The following ZKSCAN7 variants were observed in gnomAD, a reference collection of about 807,000 sequenced individuals.
ZKSCAN7 encodes the protein zinc finger protein with KRAB and SCAN domains 7.
A neutral mutation model predicts 65.3 loss-of-function variants in ZKSCAN7; 38 were observed. The observed-to-expected ratio is 0.58, with a 90% CI of 0.45 to 0.76. The LOEUF (loss-of-function observed/expected upper bound fraction) is 0.76, where lower values mean the gene tolerates loss of function less well. Among genes scored for constraint, ZKSCAN7 ranks in the 30% least tolerant of loss-of-function variants. The pLI, the probability that ZKSCAN7 is intolerant of heterozygous loss-of-function variation, is 0.00. For missense variants in ZKSCAN7, 815 were observed against 913.3 expected (o/e 0.89, Z 1.39); for synonymous variants, 321 against 321.0 (o/e 1.00, Z 0.00).
In ZKSCAN7 at chr3:44,557,245, T is replaced by A; in HGVS notation, c.198T>A (p.Ser66=). The part of the protein sequence containing the change: ...HFRQLCYHEM[S]GPQEALSRLR... Reference sequence around the variant, plus strand: ...GGCAATTGTGTTACCACGAGATGTCTGGGCCGCAGGAAGCATTGAGCCGGC... The same window carrying A: ...GGCAATTGTGTTACCACGAGATGTCAGGGCCGCAGGAAGCATTGAGCCGGC... The change falls in exon 2 of 6, where the codon TCT becomes TCA. Residue 66 remains serine (S), a synonymous_variant. Coordinates refer to ENST00000426540, the MANE Select transcript of ZKSCAN7 (RefSeq NM_001288590.2). 1.2e-6 allele frequency: 2 copies of A among 1,614,280 alleles called. No homozygotes were observed. Among genetic ancestry groups the A allele is most frequent in the Non-Finnish European group, 1.7e-6 (2 of 1,180,056 alleles).
In ZKSCAN7 at chr3:44,570,656, C is replaced by T. The variant is rs1699776446; in HGVS notation, c.1546C>T (p.Leu516=). 2 of 1,613,890 alleles carry T rather than the reference C, an allele frequency of 1.2e-6. No homozygotes were observed. Among genetic ancestry groups the T allele is most frequent in the Admixed American group, 1.7e-5 (1 of 60,008 alleles). Residue 516 remains leucine, a synonymous_variant, in exon 6 of 6, where the codon CTG becomes TTG. Transcript: ENST00000426540. ...RSKSLARHQV[L]HTGKKPYKCN... ...CAAAAGTCTTGCTCGACATCAGGTC[C>T]TGCACACTGGTAAGAAACCTTACAA...
chr3:44,558,663 C>T (rs774414678), intron 2 of ZKSCAN7, among the ~76,000 whole-genome samples: 2 of 152,136 alleles, frequency 1.3e-5, no homozygotes, highest in Non-Finnish European at 2.9e-5. Context: ...CAAGCTGAAG[C>T]TGCAGTGCAC....
chr3:44,558,524 CA>C (rs200361121), intron 2 of ZKSCAN7, among the ~76,000 whole-genome samples: 1,796 of 107,282 alleles, frequency 0.017, 28 homozygotes, highest in African/African-American at 0.05. Context: ...GACTTCATCT[CA>C]AAAAAAAAAA....
chr3:44,580,245 T>TC lies in ZKSCAN7; in HGVS notation c.812-2721dup, dbSNP rs368519103. The TC allele has an allele frequency of 1.4e-3, 2,217 of 1,613,144 alleles. 14 individuals carry two copies. In the Middle Eastern group the frequency reaches 0.029, roughly 21 times the overall value. ...CTTCTCCAGAGAGAAGTAGCTGCTC[T>TC]CCCCCCGGACTTTGCGGCCACAGTC... On this transcript the variant is annotated intron_variant, in intron 5 of 5. Transcript: ENST00000341840.
Position 44,571,647 on chromosome 3 carries a change from A to C in ZKSCAN7, c.*272A>C. On this transcript the variant is annotated 3_prime_UTR_variant, in exon 6 of 6. Coordinates refer to ENST00000426540, the MANE Select transcript of ZKSCAN7 (RefSeq NM_001288590.2). Reference sequence around the variant, plus strand: ...ACTTTTAAAATCTATTTCATTTCTTAGTTATGCATCTCATAATCAGACTCC... The same window carrying C: ...ACTTTTAAAATCTATTTCATTTCTTCGTTATGCATCTCATAATCAGACTCC... The C allele has an allele frequency of 7.8e-7, 1 of 1,285,016 alleles. No individual in the cohort carries two copies. Among genetic ancestry groups the C allele is most frequent in the Non-Finnish European group, 9.9e-7 (1 of 1,014,546 alleles). The allele number at this position is 1,285,016 out of a possible 1,614,324, so 79.6% of individuals were successfully genotyped here. A position where few individuals can be genotyped will look rare whatever the true frequency, so the allele number is the denominator to read the frequency against.
chr3:44,580,506 T>C, intron 5 of ZKSCAN7: 1 of 1,611,024 alleles, frequency 6.2e-7, no homozygotes, highest in Non-Finnish European at 8.5e-7. Context: ...AACAGCCACC[T>C]TGGCAGGCCC....
chr3:44,571,646 T>C lies in ZKSCAN7; in HGVS notation c.*271T>C. 7.8e-7 allele frequency: 1 copy of C among 1,284,780 alleles called. No individual in the cohort carries two copies. The highest frequency in any genetic ancestry group is 9.9e-7 in the Non-Finnish European group (1 of 1,014,222). 79.6% of individuals were successfully genotyped at this position (1,284,780 alleles called of 1,614,324 possible). A position where few individuals can be genotyped will look rare whatever the true frequency, so the allele number is the denominator to read the frequency against. On this transcript the variant is annotated 3_prime_UTR_variant, in exon 6 of 6. Transcript: ENST00000426540. ...AACTTTTAAAATCTATTTCATTTCT[T>C]AGTTATGCATCTCATAATCAGACTC...
At chr3:44,576,155 A>G (rs1699919245), downstream of ZKSCAN7, among the ~76,000 whole-genome samples, 1 of 152,112 alleles carries the variant, frequency 6.6e-6, no homozygotes, top group South Asian at 2.1e-4. Flanking sequence ...TTTTTCTAAT[A>G]TGTATCTGGA....
chr3:44,557,650 C>A, intron 2 of ZKSCAN7, 180 bp downstream of exon 2: 1 of 772,702 alleles, frequency 1.3e-6, no homozygotes, highest in Non-Finnish European at 2.0e-6. Flanking sequence ...GTGCACATCC[C>A]AGCTAAGCTC....
intron 5 of ZKSCAN7, chr3:44,580,132 G>A (rs1328053876): frequency 1.2e-6 from 2 of 1,610,944 alleles, no homozygotes; most frequent in Admixed American, 1.7e-5. Context: ...TCAATCACCT[G>A]GGACCTCCTG....
In ZKSCAN7 at chr3:44,570,705, T is replaced by A. The variant is rs781541358; in HGVS notation, c.1595T>A (p.Phe532Tyr). ...PYKCNECGRA[F>Y]CSNRNLIDHQ... ...AAATGCAATGAGTGTGGGAGAGCAT[T>A]CTGTTCCAATAGAAATCTCATTGAC... The change falls in exon 6 of 6, where the codon TTC (phenylalanine) becomes TAC (tyrosine). Residue 532 changes from phenylalanine (F) to tyrosine (Y), a missense_variant. Phe to Tyr is a conservative substitution (Grantham distance 22). This residue lies in a region of ZKSCAN7 where 578 missense variants were observed against 629.5 expected (regional missense o/e 0.92). Transcript: ENST00000426540. 3.7e-6 allele frequency: 6 copies of A among 1,614,086 alleles called. No homozygotes were observed. The highest frequency in any genetic ancestry group is 2.5e-6 in the Non-Finnish European group (3 of 1,179,996).
chr3:44,577,279 T>G (rs1387639981), intron 5 of ZKSCAN7, among the ~76,000 whole-genome samples: 2 of 138,110 alleles, frequency 1.4e-5, no homozygotes, highest in African/African-American at 5.3e-5. Context: ...AAATAACCAA[T>G]TCTTTTTTTT....
Position 44,570,107 on chromosome 3 carries a change from A to G in ZKSCAN7, c.997A>G (p.Arg333Gly). 6.2e-7 allele frequency: 1 copy of G among 1,614,022 alleles called. No individual in the cohort carries two copies. The highest frequency in any genetic ancestry group is 8.5e-7 in the Non-Finnish European group (1 of 1,179,986). The change falls in exon 6 of 6, where the codon AGA (arginine) becomes GGA (glycine). Residue 333 changes from arginine (R) to glycine (G), a missense_variant. Transcript: ENST00000426540. ...ACAAACCTCAGATGAAGAAGGGAGC[A>G]GACTAGAAAATGATTTCTTGGAAAT... ...EGQTSDEEGS[R>G]LENDFLEITD... is the part of the protein sequence containing the mutation.
chr3:44,575,122 G>C (rs984349786), downstream of ZKSCAN7, among the ~76,000 whole-genome samples: 1 of 152,024 alleles, frequency 6.6e-6, no homozygotes, highest in Non-Finnish European at 1.5e-5. Flanking sequence ...TCAAGACCCT[G>C]TCCCTAAATA....
rs1699811272 is a variant in ZKSCAN7, at chr3:44,571,579, T to G, written c.*204T>G. 2 of 1,385,318 alleles carry G rather than the reference T, an allele frequency of 1.4e-6. No homozygotes were observed. The highest frequency in any genetic ancestry group is 3.3e-5 in the Admixed American group (1 of 30,198). The allele number at this position is 1,385,318 out of a possible 1,614,324, so 85.8% of individuals were successfully genotyped here. A position where few individuals can be genotyped will look rare whatever the true frequency, so the allele number is the denominator to read the frequency against. On this transcript the variant is annotated 3_prime_UTR_variant, in exon 6 of 6. Transcript: ENST00000426540. ...GGAAGGTAAGGACTACACATGTCAT[T>G]GAATTGTAGGTTTCCTTTTTTTTTC... is the stretch of plus-strand genomic sequence containing the variant.
At chr3:44,566,420 G>A (rs1699631779) in intron 3 of ZKSCAN7, among the ~76,000 whole-genome samples, 1 of 152,152 alleles carries the variant, frequency 6.6e-6, no homozygotes, top group South Asian at 2.1e-4. Context: ...AAAGGCTGGT[G>A]CGGTAGAATA....
At position 44,557,307 on chromosome 3, in the gene ZKSCAN7, T is replaced by A; in HGVS notation, c.260T>A (p.Val87Glu). 6.2e-7 allele frequency: 1 copy of A among 1,614,206 alleles called. No homozygotes were observed. Among genetic ancestry groups the A allele is most frequent in the Non-Finnish European group, 8.5e-7 (1 of 1,180,044 alleles). The change falls in exon 2 of 6, where the codon GTG (valine) becomes GAG (glutamate). Residue 87 changes from valine to glutamate, a missense_variant. Val to Glu is a moderately radical substitution (Grantham distance 121, BLOSUM62 -2). Coordinates refer to ENST00000426540, the MANE Select transcript of ZKSCAN7 (RefSeq NM_001288590.2). ...TGCCGCTGGTGGCTCATGCCAGAGG[T>A]GCACACCAAGGAGCAGATCCTGGAG... ...ELCRWWLMPE[V>E]HTKEQILELL...
intron 2 of ZKSCAN7, among the ~76,000 whole-genome samples, chr3:44,560,166 T>C (rs1054382098): frequency 3.9e-5 from 6 of 152,200 alleles, no homozygotes; most frequent in Non-Finnish European, 5.9e-5. Context: ...AGCTTGGGTG[T>C]AGGGTCTTTG....
Position 44,579,853 on chromosome 3 carries a change from CA to C in ZKSCAN7, c.812-3118del. 3 of 1,610,884 alleles carry C rather than the reference CA, an allele frequency of 1.9e-6. No homozygotes were observed. In the South Asian group the frequency reaches 3.3e-5, roughly 18 times the overall value. ...ACTGGCTGTCCTCATACTGCTTAGT[CA>C]GCCAGCCTTTCTTGAAATTCAGCAG... On this transcript the variant is annotated intron_variant, in intron 5 of 5. Transcript: ENST00000341840.
Sources: gnomAD v4.1 joint callset for allele counts (sites outside exome capture counted in the v4.1 genomes callset) on GRCh38, gnomAD v4.1.1 for gene constraint, gnomAD v4.1.1 regional missense constraint, MANE v1.5 for transcripts, NCBI Gene and HGNC (gene_info 2026-07-23, HGNC 2026-07-21) for gene names.